GULP1: variants seen among roughly 807,000 people sequenced by gnomAD.
GULP1 encodes the protein GULP PTB domain containing engulfment adaptor 1.
In GULP1, 19 loss-of-function variants were observed where a neutral mutation model predicts 40.9. That is an observed-to-expected ratio of 0.46 (90% CI 0.32 to 0.68). GULP1 has a LOEUF of 0.68. GULP1 is among the 30% of genes least tolerant of loss of function. The pLI, the probability that GULP1 is intolerant of heterozygous loss-of-function variation, is 0.03. For missense variants in GULP1, 312 were observed against 362.2 expected, an observed-to-expected ratio of 0.86 and a Z score of 1.12; for synonymous variants, 119 against 117.6, an observed-to-expected ratio of 1.01 and a Z score of -0.08.
At chr2:188,432,279 C>A (rs1034975523) in intron 2 of GULP1, among the ~76,000 whole-genome samples, 4 of 151,516 alleles carry the variant, frequency 2.6e-5, no homozygotes, top group Non-Finnish European at 5.9e-5. Flanking sequence ...CATTTATAAG[C>A]ATTTATCCTG....
intron 2 of GULP1, among the ~76,000 whole-genome samples, chr2:188,401,338 TTAA>T (rs1370990727): frequency 6.6e-6 from 1 of 152,186 alleles, no homozygotes; most frequent in Non-Finnish European, 1.5e-5. Flanking sequence ...TTGGCTACTT[TTAA>T]TAATAAACAC....
At chr2:188,570,211 G>A (rs1207311478) in intron 9 of GULP1, 91 bp downstream of exon 9, 17 of 640,650 alleles carry the variant, frequency 2.7e-5, no homozygotes, top group Non-Finnish European at 1.7e-5. Context: ...ATAATACTTG[G>A]GGATCAGTAA....
chr2:188,457,599 G>GTATGTATGT (rs2059372533), intron 2 of GULP1, among the ~76,000 whole-genome samples: 1 of 152,132 alleles, frequency 6.6e-6, no homozygotes, highest in African/African-American at 2.4e-5. Context: ...GCATGAAATG[G>GTATGTATGT]ACTAATACAG....
intron 2 of GULP1, among the ~76,000 whole-genome samples, chr2:188,447,320 G>A (rs1291544216): frequency 6.6e-6 from 1 of 152,156 alleles, no homozygotes; most frequent in African/African-American, 2.4e-5. Flanking sequence ...AGGGTATAAT[G>A]AGGCATGTCC....
chr2:188,559,173 G>T (rs551226742), intron 7 of GULP1, among the ~76,000 whole-genome samples: 13 of 152,290 alleles, frequency 8.5e-5, no homozygotes, highest in African/African-American at 2.9e-4. Flanking sequence ...GGAGAAAATG[G>T]TTTTCTGGGC....
chr2:188,445,544 C>T (rs946882103), intron 2 of GULP1, among the ~76,000 whole-genome samples: 1 of 152,120 alleles, frequency 6.6e-6, no homozygotes, highest in Non-Finnish European at 1.5e-5. Context: ...GAGACCTCAT[C>T]ATGTCTCTTA....
chr2:188,448,892 A>T (rs991535504), intron 2 of GULP1, among the ~76,000 whole-genome samples: 1 of 152,164 alleles, frequency 6.6e-6, no homozygotes, highest in Non-Finnish European at 1.5e-5. Context: ...TGGCCATGCA[A>T]CATGCCTGCT....
intron 2 of GULP1, among the ~76,000 whole-genome samples, chr2:188,439,825 A>T (rs1239344148): frequency 6.6e-6 from 1 of 152,206 alleles, no homozygotes; most frequent in East Asian, 1.9e-4. Flanking sequence ...AATATCAGAG[A>T]CAGCCTACAC....
intron 2 of GULP1, among the ~76,000 whole-genome samples, chr2:188,445,737 AG>A (rs2058330764): frequency 6.6e-6 from 1 of 152,160 alleles, no homozygotes; most frequent in African/African-American, 2.4e-5. Context: ...GGCAGTGAAA[AG>A]GATCTTTTAA....
chr2:188,421,063 T>G (rs2152766029), intron 2 of GULP1, among the ~76,000 whole-genome samples: 1 of 152,226 alleles, frequency 6.6e-6, no homozygotes, highest in Admixed American at 6.5e-5. Flanking sequence ...GTCAGAGCAC[T>G]TAGGCAAGAA....
At chr2:188,541,762 G>T (rs1690554699) in intron 7 of GULP1, 2 of 198,996 alleles carry the variant, frequency 1.0e-5, no homozygotes, top group Non-Finnish European at 1.0e-5. Flanking sequence ...GATCTATATG[G>T]TTCCTTAAAA....
At chr2:188,480,851 A>G (rs1427974448) in intron 3 of GULP1, among the ~76,000 whole-genome samples, 1 of 151,900 alleles carries the variant, frequency 6.6e-6, no homozygotes, top group Admixed American at 6.6e-5. Context: ...GTAGATATCA[A>G]ATGCACAGCA....
chr2:188,438,750 A>G (rs1470593808), intron 2 of GULP1, among the ~76,000 whole-genome samples: 1 of 144,852 alleles, frequency 6.9e-6, no homozygotes, highest in Non-Finnish European at 1.5e-5. Flanking sequence ...GAAATAAAGT[A>G]GTTAAAACAC....
chr2:188,315,540 T>C (rs1252887043), intron 1 of GULP1, among the ~76,000 whole-genome samples: 1 of 152,136 alleles, frequency 6.6e-6, no homozygotes, highest in East Asian at 1.9e-4. Context: ...ATTTAATCAT[T>C]GTCTTTATAG....
At chr2:188,584,561 T>C (rs982248643) in intron 10 of GULP1, among the ~76,000 whole-genome samples, 158 bp downstream of exon 10, 1 of 152,070 alleles carries the variant, frequency 6.6e-6, no homozygotes, top group Non-Finnish European at 1.5e-5. Flanking sequence ...CCATTAATTC[T>C]ATTTTACTTT....
chr2:188,545,000 G>A (rs1559363571), intron 7 of GULP1, among the ~76,000 whole-genome samples: 1 of 151,934 alleles, frequency 6.6e-6, no homozygotes, highest in Non-Finnish European at 1.5e-5. Context: ...AGATAAGCAA[G>A]TACTTACCTA....
intron 1 of GULP1, among the ~76,000 whole-genome samples, chr2:188,331,570 A>C (rs966751482): frequency 2.2e-4 from 34 of 152,308 alleles, no homozygotes; most frequent in African/African-American, 7.9e-4. Flanking sequence ...CATTTTTTGC[A>C]AACATTTGAT....
chr2:188,432,205 G>A (rs1011176889), intron 2 of GULP1, among the ~76,000 whole-genome samples: 1 of 151,314 alleles, frequency 6.6e-6, no homozygotes, highest in Non-Finnish European at 1.5e-5. Context: ...AATTATACAG[G>A]CATTTAATGA....
intron 2 of GULP1, among the ~76,000 whole-genome samples, chr2:188,430,521 C>A (rs915502260): frequency 6.6e-6 from 1 of 152,132 alleles, no homozygotes; most frequent in Non-Finnish European, 1.5e-5. Flanking sequence ...TGACTCTTAG[C>A]GACAACATGG....
Sources: allele counts gnomAD v4.1 joint callset (sites outside exome capture counted in the v4.1 genomes callset), GRCh38; gene constraint gnomAD v4.1.1; transcripts MANE v1.5; gene names NCBI Gene and HGNC (gene_info 2026-07-23, HGNC 2026-07-21).